CNTN5: variants seen among roughly 807,000 people sequenced by gnomAD.
CNTN5 encodes contactin-5.
In CNTN5, 77 loss-of-function variants were observed where a neutral mutation model predicts 129.1. The observed-to-expected ratio is 0.60, with a 90% CI of 0.50 to 0.72. The LOEUF is 0.72. Among genes scored for constraint, CNTN5 ranks in the 30% least tolerant of loss-of-function variants. The pLI is 0.00. For missense variants in CNTN5, 1,478 were observed against 1,328.8 expected, an observed-to-expected ratio of 1.11 and a Z score of -1.75; for synonymous variants, 509 against 465.6, an observed-to-expected ratio of 1.09 and a Z score of -1.20.
At chr11:99,054,287 C>T (rs1181237842) in intron 1 of CNTN5, among the ~76,000 whole-genome samples, 7 of 151,658 alleles carry the variant, frequency 4.6e-5, no homozygotes, top group African/African-American at 1.7e-4. Context: ...GAAGATTTCT[C>T]TCAAACCAGA....
chr11:99,846,787 A>G (rs1591303004), intron 6 of CNTN5, among the ~76,000 whole-genome samples: 1 of 152,326 alleles, frequency 6.6e-6, no homozygotes, highest in Non-Finnish European at 1.5e-5. Context: ...GATAATAAAT[A>G]CAGTTTGAAG....
At chr11:99,789,322 T>A (rs956895441) in intron 3 of CNTN5, among the ~76,000 whole-genome samples, 4 of 151,944 alleles carry the variant, frequency 2.6e-5, no homozygotes, top group Non-Finnish European at 4.4e-5. Context: ...TTTTACAGAT[T>A]AGAGAGATTA....
At chr11:99,224,749 C>T (rs1310560825) in intron 1 of CNTN5, among the ~76,000 whole-genome samples, 3 of 150,608 alleles carry the variant, frequency 2.0e-5, no homozygotes, top group Admixed American at 1.3e-4. Flanking sequence ...CCTCCACCTC[C>T]CAGATTCAAG....
chr11:99,469,124 T>G (rs1412225278), intron 2 of CNTN5, among the ~76,000 whole-genome samples: 1 of 152,180 alleles, frequency 6.6e-6, no homozygotes, highest in Non-Finnish European at 1.5e-5. Flanking sequence ...AAATGTAGTA[T>G]TTGTTTTAAA....
At chr11:100,088,748 C>T (rs1007175046) in intron 13 of CNTN5, among the ~76,000 whole-genome samples, 1 of 151,948 alleles carries the variant, frequency 6.6e-6, no homozygotes, top group Non-Finnish European at 1.5e-5. Flanking sequence ...GTAATAAAAA[C>T]CTACCAACCA....
intron 17 of CNTN5, among the ~76,000 whole-genome samples, chr11:100,259,213 TG>T (rs1204566864): frequency 1.3e-5 from 2 of 152,070 alleles, no homozygotes; most frequent in East Asian, 3.9e-4. Flanking sequence ...TATTACATAA[TG>T]GTAAAGGGAT....
At chr11:99,642,540 A>C (rs964347682) in intron 3 of CNTN5, among the ~76,000 whole-genome samples, 2 of 152,184 alleles carry the variant, frequency 1.3e-5, no homozygotes, top group African/African-American at 4.8e-5. Context: ...TGATACATTT[A>C]TACATCGTGT....
At chr11:99,834,292 CA>C (rs1427215556) in intron 4 of CNTN5, among the ~76,000 whole-genome samples, 5 of 152,076 alleles carry the variant, frequency 3.3e-5, no homozygotes, top group African/African-American at 1.2e-4. Context: ...TTTTTATGAA[CA>C]AAAACTCTTG....
intron 15 of CNTN5, among the ~76,000 whole-genome samples, chr11:100,213,111 A>AAAAATGCC (rs1244357337): frequency 1.3e-5 from 2 of 152,154 alleles, no homozygotes; most frequent in Non-Finnish European, 2.9e-5. Flanking sequence ...TATAGAATGA[A>AAAAATGCC]AAAATGCCAT....
intron 1 of CNTN5, among the ~76,000 whole-genome samples, chr11:99,228,884 C>T (rs374014209): frequency 6.6e-5 from 10 of 151,912 alleles, no homozygotes; most frequent in East Asian, 3.9e-4. Flanking sequence ...GCTGTGCATT[C>T]GTTAATACTG....
intron 13 of CNTN5, among the ~76,000 whole-genome samples, chr11:100,126,701 A>G (rs1946194605): frequency 6.6e-6 from 1 of 152,062 alleles, no homozygotes; most frequent in Admixed American, 6.6e-5. Flanking sequence ...TCTCTTGAAG[A>G]CAGAGGAAAA....
chr11:99,703,368 G>GAT (rs958629084), intron 3 of CNTN5, among the ~76,000 whole-genome samples: 6 of 149,972 alleles, frequency 4.0e-5, no homozygotes, highest in Non-Finnish European at 7.5e-5. Context: ...GGACTGAAGT[G>GAT]ATATATATCT....
chr11:99,931,693 T>C (rs189695393), intron 7 of CNTN5, among the ~76,000 whole-genome samples: 1 of 152,330 alleles, frequency 6.6e-6, no homozygotes, highest in East Asian at 1.9e-4. Context: ...TTCATTTGGT[T>C]TGGCCAAAGT....
chr11:99,913,778 A>T (rs2136002896), intron 6 of CNTN5, among the ~76,000 whole-genome samples: 1 of 152,242 alleles, frequency 6.6e-6, no homozygotes. Context: ...CAATAGGTTG[A>T]TTTGAAATGT....
chr11:99,833,520 G>A (rs1024257616), intron 4 of CNTN5, among the ~76,000 whole-genome samples: 3 of 152,166 alleles, frequency 2.0e-5, no homozygotes, highest in African/African-American at 7.2e-5. Flanking sequence ...TTGCTTAACT[G>A]GAGACTAATG....
chr11:100,255,869 C>T lies in CNTN5; in HGVS notation c.2115C>T (p.Asn705=). The T allele has an allele frequency of 6.2e-7, 1 of 1,613,940 alleles. No homozygotes were observed. The highest frequency in any genetic ancestry group is 8.5e-7 in the Non-Finnish European group (1 of 1,179,870). The change falls in exon 17 of 25, where the codon AAC becomes AAT. Residue 705 remains asparagine, a synonymous_variant. Transcript: ENST00000524871. The stretch of plus-strand genomic sequence containing the variant: ...ACCACAGCCCAATCTCCTCCTACAA[C>T]CTTCAAGCTCGCAGCCCATTTTCCC... The part of the protein sequence containing the change: ...ADNHSPISSY[N]LQARSPFSLG...
intron 7 of CNTN5, among the ~76,000 whole-genome samples, chr11:99,947,600 A>G (rs1026005258): frequency 1.3e-5 from 2 of 152,190 alleles, no homozygotes; most frequent in African/African-American, 4.8e-5. Context: ...CAATCTCGTT[A>G]TAATAATTTA....
chr11:100,291,674 C>T (rs952622261), intron 18 of CNTN5, among the ~76,000 whole-genome samples: 3 of 151,008 alleles, frequency 2.0e-5, no homozygotes, highest in Non-Finnish European at 4.4e-5. Context: ...GTGGGTGCAG[C>T]GCACCAGCAT....
intron 9 of CNTN5, among the ~76,000 whole-genome samples, chr11:100,057,868 T>G (rs548592401): frequency 2.8e-4 from 42 of 152,052 alleles, no homozygotes; most frequent in Non-Finnish European, 5.3e-4. Context: ...CTAGGGTTTT[T>G]TGCCTGCTAC....
Sources: gnomAD v4.1 joint callset for allele counts (sites outside exome capture counted in the v4.1 genomes callset) on GRCh38, gnomAD v4.1.1 for gene constraint, MANE v1.5 for transcripts, NCBI Gene and HGNC (gene_info 2026-07-23, HGNC 2026-07-21) for gene names.